Variants in MAPK14 observed in about 807,000 individuals in gnomAD.
The protein encoded by MAPK14 is CSAID-binding protein.
A neutral mutation model predicts 49.6 loss-of-function variants in MAPK14; 16 were observed. The observed-to-expected ratio is 0.32, with a 90% CI of 0.22 to 0.49. The LOEUF (loss-of-function observed/expected upper bound fraction) is 0.49. Ranked by LOEUF, MAPK14 falls within the 20% of genes least tolerant of loss-of-function variation. The pLI, the probability that MAPK14 is intolerant of heterozygous loss-of-function variation, is 0.99. For synonymous variants in MAPK14, 142 were observed against 158.0 expected, an observed-to-expected ratio of 0.90 and a Z score of 0.76; for missense variants, 200 against 441.2, an observed-to-expected ratio of 0.45 and a Z score of 4.90.
At position 36,069,100 on chromosome 6, in the gene MAPK14, A is replaced by G. The variant is rs1378728324; in HGVS notation, c.306-3773A>G. Among the ~76,000 whole-genome samples, 3 of 152,150 alleles carry G rather than the reference A, an allele frequency of 2.0e-5. No homozygotes were observed. The East Asian group carries it at 5.8e-4, about 29-fold the overall frequency. ...AGTCTAACCTTCCTTAATTTACTTT[A>G]ATTTACTTTACTTAATTTACTTTAG... On this transcript the variant is annotated intron_variant, in intron 3 of 11. Coordinates refer to ENST00000229794, the MANE Select transcript of MAPK14 (RefSeq NM_139012.3).
intron 1 of MAPK14, among the ~76,000 whole-genome samples, chr6:36,031,103 C>G (rs1323608881): frequency 1.3e-5 from 2 of 152,238 alleles, no homozygotes; most frequent in Non-Finnish European, 2.9e-5. Flanking sequence ...CAACTTCCAC[C>G]TCCTGGGTTC....
At chr6:36,094,247 G>C (rs1276138663) in intron 8 of MAPK14, among the ~76,000 whole-genome samples, 1 of 152,160 alleles carries the variant, frequency 6.6e-6, no homozygotes, top group Non-Finnish European at 1.5e-5. Flanking sequence ...CTTGTTTCTA[G>C]TTTGTTTTTG....
intron 8 of MAPK14, among the ~76,000 whole-genome samples, chr6:36,094,024 ATAAT>A (rs1182718140): frequency 2.0e-5 from 3 of 152,210 alleles, no homozygotes; most frequent in African/African-American, 7.2e-5. Flanking sequence ...CTATTGTAAT[ATAAT>A]TAATCTGATT....
chr6:36,093,201 A>G (rs1163281885), intron 8 of MAPK14, among the ~76,000 whole-genome samples: 1 of 152,188 alleles, frequency 6.6e-6, no homozygotes, highest in East Asian at 1.9e-4. Context: ...CATTGAGTGC[A>G]TTAAAGAATA....
chr6:36,112,484 T>C (rs142899933), downstream of MAPK14, among the ~76,000 whole-genome samples: 18 of 152,350 alleles, frequency 1.2e-4, no homozygotes, highest in East Asian at 3.5e-3. Context: ...TTTAAAGATA[T>C]ATTAATTCTG....
chr6:36,075,689 A>G, intron 6 of MAPK14, 159 bp from the exon 7 acceptor site: 1 of 922,574 alleles, frequency 1.1e-6, no homozygotes, highest in Non-Finnish European at 1.7e-6. Flanking sequence ...TATTTACCAT[A>G]CATTCTAAGT....
rs1765835899 is a variant in MAPK14, at chr6:36,107,530, C to T, written c.917C>T (p.Ala306Val). The part of the protein sequence containing the change: ...RITAAQALAH[A>V]YFAQYHDPDD... The stretch of plus-strand genomic sequence containing the variant: ...ACAGCGGCCCAAGCCCTTGCACATG[C>T]CTACTTTGCTCAGTACCACGATCCT... Residue 306 changes from alanine (A) to valine (V), a missense_variant, in exon 11 of 12, where the codon GCC (alanine) becomes GTC (valine). By Grantham distance (64) the Ala-to-Val change is moderately conservative (BLOSUM62 0). Transcript: ENST00000229794. The surrounding 1 kb of genome is among the most constrained non-coding windows in gnomAD (Gnocchi z 4.3). 6.2e-7 allele frequency: 1 copy of T among 1,606,742 alleles called. No homozygotes were observed.
intron 1 of MAPK14, among the ~76,000 whole-genome samples, chr6:36,033,664 A>G (rs1161557637): frequency 6.6e-6 from 1 of 152,108 alleles, no homozygotes; most frequent in Non-Finnish European, 1.5e-5. Context: ...CCAGGTTTTC[A>G]GTTCTGCCAG....
chr6:36,108,330 A>G, intron 11 of MAPK14, 50 bp from the exon 12 acceptor site: 1 of 1,414,636 alleles, frequency 7.1e-7, no homozygotes, highest in East Asian at 2.3e-5. Flanking sequence ...CTTGCCAGCA[A>G]AGAGAATAGC....
At chr6:36,073,011 T>C in intron 4 of MAPK14, 27 bp downstream of exon 4, 1 of 1,377,038 alleles carries the variant, frequency 7.3e-7, no homozygotes, top group Non-Finnish European at 1.0e-6. Context: ...TAATAATTTT[T>C]TAAAATGAAT....
chr6:36,054,007 T>TTTTTTTTTTTTTTTTTTTTTTTG (rs1562112084), intron 2 of MAPK14, among the ~76,000 whole-genome samples: 3 of 152,008 alleles, frequency 2.0e-5, no homozygotes, highest in South Asian at 2.1e-4. Context: ...ACCAGAGTTT[T>TTTTTTTTTTTTTTTTTTTTTTTG]AAGAATGTTC....
At chr6:36,097,368 C>G (rs893735991) in intron 9 of MAPK14, 4 of 152,190 alleles carry the variant, frequency 2.6e-5, no homozygotes, top group Non-Finnish European at 5.9e-5. Context: ...AAGTCATTGT[C>G]AGTGTTACCA....
chr6:36,041,222 T>G (rs1486861234), intron 1 of MAPK14, among the ~76,000 whole-genome samples: 1 of 135,776 alleles, frequency 7.4e-6, no homozygotes, highest in Non-Finnish European at 1.6e-5. Context: ...ATTGTGCTCT[T>G]TTTTTTTTTT....
downstream of MAPK14, among the ~76,000 whole-genome samples, chr6:36,112,205 CA>C (rs11387797): frequency 0.12 from 15,892 of 138,144 alleles, 1,560 homozygotes; most frequent in East Asian, 0.51. Flanking sequence ...GACTCCGTCT[CA>C]AAAAAAAAAA....
rs895848314 is a variant in MAPK14 at position 36,052,770 on chromosome 6, T to C, written c.188T>C (p.Ile63Thr). The change falls in exon 2 of 12, where the codon ATT becomes ACT. Residue 63 changes from isoleucine to threonine, a missense_variant. Around this residue, in one of 2 missense-constraint regions of MAPK14, gnomAD observed 170 missense variants for 407.0 expected, o/e 0.42. Coordinates refer to ENST00000229794, the MANE Select transcript of MAPK14 (RefSeq NM_139012.3). ...KKLSRPFQSI[I>T]HAKRTYRELR... The stretch of plus-strand genomic sequence containing the variant: ...CTCTCCAGACCATTTCAGTCCATCA[T>C]TCATGCGAAAAGAACCTACAGAGAA... The C allele has an allele frequency of 5.0e-6, 8 of 1,612,684 alleles. No homozygotes were observed. The highest frequency in any genetic ancestry group is 6.8e-6 in the Non-Finnish European group (8 of 1,179,298).
At chr6:36,088,936 T>C (rs1765106046) in intron 8 of MAPK14, among the ~76,000 whole-genome samples, 2 of 152,156 alleles carry the variant, frequency 1.3e-5, no homozygotes, top group Admixed American at 1.3e-4. Context: ...TGGAGAAATA[T>C]GAACACTTTT....
chr6:36,035,524 T>C lies in MAPK14; in HGVS notation c.116+7251T>C, dbSNP rs368358026. Among the ~76,000 whole-genome samples, 25 of 152,384 alleles carry C rather than the reference T, an allele frequency of 1.6e-4. No individual in the cohort carries two copies. In the South Asian group the frequency reaches 4.6e-3, roughly 28 times the overall value. Reference sequence around the variant, plus strand: ...TGTTCAAGTGAAAGGAATGTTTGCATGTCTCTTACTTTAAATCAAAAGCTA... The same window carrying C: ...TGTTCAAGTGAAAGGAATGTTTGCACGTCTCTTACTTTAAATCAAAAGCTA... On this transcript the variant is annotated intron_variant, in intron 1 of 11. Transcript: ENST00000229794.
chr6:36,122,897 C>T, the MAPK14 span, among the ~76,000 whole-genome samples: 1 of 152,152 alleles, frequency 6.6e-6, no homozygotes, highest in African/African-American at 2.4e-5. Context: ...ACTCAGCTAC[C>T]TCTCTACTGG....
intron 2 of MAPK14, among the ~76,000 whole-genome samples, chr6:36,058,577 G>A (rs559022329): frequency 6.6e-5 from 10 of 152,296 alleles, no homozygotes; most frequent in Admixed American, 6.5e-4. Flanking sequence ...AACTGAGGTA[G>A]CTGGTTTTGA....
Sources: gnomAD v4.1 joint callset for allele counts (sites outside exome capture counted in the v4.1 genomes callset) on GRCh38, gnomAD v4.1.1 for gene constraint, gnomAD v4.1.1 regional missense constraint, Gnocchi (gnomAD v3.1) non-coding constraint, MANE v1.5 for transcripts, NCBI Gene and HGNC (gene_info 2026-07-23, HGNC 2026-07-21) for gene names.